ARHGEF11: variants seen among roughly 807,000 people sequenced by gnomAD.
ARHGEF11 encodes Rho guanine nucleotide exchange factor 11.
A neutral mutation model predicts 193.7 loss-of-function variants in ARHGEF11; 55 were observed. The observed-to-expected ratio is 0.28, with a 90% CI of 0.23 to 0.36. The LOEUF (loss-of-function observed/expected upper bound fraction) is 0.36. Among genes scored for constraint, ARHGEF11 ranks in the 10% least tolerant of loss-of-function variants. The pLI, the probability that ARHGEF11 is intolerant of heterozygous loss-of-function variation, is 1.00. For missense variants in ARHGEF11, 1,723 were observed against 2,005.6 expected, an observed-to-expected ratio of 0.86 and a Z score of 2.69; for synonymous variants, 693 against 768.0, an observed-to-expected ratio of 0.90 and a Z score of 1.62.
At chr1:156,939,474 A>T in intron 37 of ARHGEF11, 74 bp downstream of exon 37, 4 of 1,591,514 alleles carry the variant, frequency 2.5e-6, no homozygotes, top group Non-Finnish European at 3.4e-6. Context: ...TAGGGAAGGA[A>T]GCAGCTGTTC....
intron 1 of ARHGEF11, among the ~76,000 whole-genome samples, chr1:156,991,707 C>CTTTT (rs1208007433): frequency 3.7e-5 from 4 of 107,528 alleles, no homozygotes; most frequent in African/African-American, 1.1e-4. Context: ...TTTTTTCAAG[C>CTTTT]TTATTTTTTT....
At position 156,948,024 on chromosome 1, in the gene ARHGEF11, T is replaced by C; in HGVS notation, c.2154-68A>G. Reference sequence around the variant, plus strand: ...CTCACACAGAGGGTTTGGCCCTCCCTCTCCTGCCCGACCTGCTTGCCCCAT... The same window carrying C: ...CTCACACAGAGGGTTTGGCCCTCCCCCTCCTGCCCGACCTGCTTGCCCCAT... On this transcript the variant is annotated intron_variant, in intron 24 of 40. Coordinates refer to ENST00000368194, the MANE Select transcript of ARHGEF11 (RefSeq NM_198236.3). This position sits in a 1 kb window ranked among gnomAD's most constrained non-coding sequence, Gnocchi z 4.2. 1 of 1,574,448 alleles carries C rather than the reference T, an allele frequency of 6.4e-7. No individual in the cohort carries two copies. The highest frequency in any genetic ancestry group is 8.7e-7 in the Non-Finnish European group (1 of 1,155,312).
chr1:157,014,132 A>G (rs1668907255), intron 1 of ARHGEF11, among the ~76,000 whole-genome samples: 1 of 152,154 alleles, frequency 6.6e-6, no homozygotes, highest in Admixed American at 6.6e-5. Flanking sequence ...CCACAACGCT[A>G]AAACTTTACA....
intron 1 of ARHGEF11, among the ~76,000 whole-genome samples, chr1:157,032,434 A>G (rs1035858677): frequency 2.0e-5 from 3 of 152,228 alleles, no homozygotes; most frequent in African/African-American, 7.2e-5. Context: ...GGAAGTTGTA[A>G]CAATGCAGAT....
intron 33 of ARHGEF11, 104 bp downstream of exon 33, chr1:156,942,586 C>A: frequency 9.9e-7 from 1 of 1,014,566 alleles, no homozygotes; most frequent in Non-Finnish European, 1.5e-6. Flanking sequence ...TGTCCAGGGA[C>A]TGCTTTGGGG....
intron 29 of ARHGEF11, 188 bp from the exon 30 acceptor site, chr1:156,945,385 C>A: frequency 3.3e-6 from 2 of 608,488 alleles, no homozygotes; most frequent in Non-Finnish European, 2.9e-6. Flanking sequence ...TGAGCATCTT[C>A]AGGTCTCAGA....
chr1:156,945,283 G>A, intron 29 of ARHGEF11, 86 bp from the exon 30 acceptor site: 1 of 1,477,060 alleles, frequency 6.8e-7, no homozygotes, highest in Non-Finnish European at 9.2e-7. Flanking sequence ...ATTCATCCAT[G>A]GCAGCTGGCT....
At position 156,955,487 on chromosome 1, in the gene ARHGEF11, C is replaced by T. The variant is rs558599067; in HGVS notation, c.1768+216G>A. 5.9e-5 allele frequency among the ~76,000 whole-genome samples: 9 copies of T among 152,264 alleles called. No homozygotes were observed. The South Asian group carries it at 6.2e-4, about 11-fold the overall frequency. ...ACTGCTCTGGGTTCCTAGACTAAGACCCAGGGACCGGCACGGCTTCCCTGG... is the reference window on the plus strand; with the variant it reads ...ACTGCTCTGGGTTCCTAGACTAAGATCCAGGGACCGGCACGGCTTCCCTGG... On this transcript the variant is annotated intron_variant, in intron 20 of 40. Coordinates refer to ENST00000368194, the MANE Select transcript of ARHGEF11 (RefSeq NM_198236.3).
chr1:156,940,641 G>A (rs1410029655), intron 35 of ARHGEF11, among the ~76,000 whole-genome samples: 2 of 152,188 alleles, frequency 1.3e-5, no homozygotes, highest in East Asian at 3.8e-4. Flanking sequence ...ACATTCTAGG[G>A]GAGGGACATA....
chr1:156,969,959 G>C (rs1662282751), intron 9 of ARHGEF11, 39 bp downstream of exon 9: 3 of 1,607,964 alleles, frequency 1.9e-6, no homozygotes, highest in African/African-American at 2.7e-5. Flanking sequence ...ACCTGGACTA[G>C]AGATATGCCA....
At chr1:157,013,352 C>T (rs1340204436) in intron 1 of ARHGEF11, among the ~76,000 whole-genome samples, 1 of 149,416 alleles carries the variant, frequency 6.7e-6, no homozygotes, top group African/African-American at 2.5e-5. Flanking sequence ...TTAGGTTTTC[C>T]CTGTGCTGCT....
At chr1:156,976,873 A>T in intron 7 of ARHGEF11, 110 bp downstream of exon 7, 3 of 974,894 alleles carry the variant, frequency 3.1e-6, no homozygotes, top group Non-Finnish European at 4.8e-6. Context: ...TTGAGGTTTT[A>T]CTGTGATAGG....
At chr1:157,044,049 A>C (rs986125398) in intron 1 of ARHGEF11, among the ~76,000 whole-genome samples, 4 of 152,176 alleles carry the variant, frequency 2.6e-5, no homozygotes, top group African/African-American at 9.7e-5. Context: ...AGCCACTGGA[A>C]GCACATCCTC....
chr1:156,942,795 G>A lies in ARHGEF11; in HGVS notation c.3236-15C>T. On this transcript the variant is annotated splice_polypyrimidine_tract_variant and intron_variant, in intron 32 of 40. Coordinates refer to ENST00000368194, the MANE Select transcript of ARHGEF11 (RefSeq NM_198236.3). ...GGCCCGTTTATCTGTGTGAGGAAAG[G>A]AAGGTAGAAGGGTCTGTACTAGGGA... 1 of 1,611,026 alleles carries A rather than the reference G, an allele frequency of 6.2e-7. No homozygotes were observed. Among genetic ancestry groups the A allele is most frequent in the South Asian group, 1.1e-5 (1 of 91,018 alleles).
intron 25 of ARHGEF11, 74 bp from the exon 26 acceptor site, chr1:156,947,524 C>A: frequency 6.8e-7 from 1 of 1,468,204 alleles, no homozygotes; most frequent in South Asian, 1.4e-5. Flanking sequence ...GAGTCCCTGA[C>A]CTGGTTCCCA....
chr1:157,001,323 T>A (rs540709611), intron 1 of ARHGEF11, among the ~76,000 whole-genome samples: 2 of 152,156 alleles, frequency 1.3e-5, no homozygotes, highest in Admixed American at 6.5e-5. Flanking sequence ...ATACTTGATA[T>A]ACATAGTTGG....
At chr1:157,023,856 A>G (rs1236311473) in intron 1 of ARHGEF11, among the ~76,000 whole-genome samples, 6 of 152,174 alleles carry the variant, frequency 3.9e-5, no homozygotes, top group African/African-American at 1.4e-4. Context: ...GTAAAATGGT[A>G]CAACCACTTT....
In ARHGEF11 at chr1:156,984,336, C is replaced by T; in HGVS notation, c.223+3G>A. ...CCGTGGGCAGGAGGGATGCAGCACT[C>T]ACCAGGCCGCACAGACTGCACCAGA... On this transcript the variant is annotated splice_donor_region_variant and intron_variant, in intron 3 of 40. Coordinates refer to ENST00000368194, the MANE Select transcript of ARHGEF11 (RefSeq NM_198236.3). 1 of 1,580,048 alleles carries T rather than the reference C, an allele frequency of 6.3e-7. No homozygotes were observed. The highest frequency in any genetic ancestry group is 8.6e-7 in the Non-Finnish European group (1 of 1,162,244).
intron 32 of ARHGEF11, 97 bp downstream of exon 32, chr1:156,943,838 A>G: frequency 3.6e-6 from 5 of 1,388,562 alleles, no homozygotes; most frequent in Non-Finnish European, 4.9e-6. Context: ...GTGGACAGGT[A>G]GGTCCTGTAA....
Sources: gnomAD v4.1 joint callset for allele counts (sites outside exome capture counted in the v4.1 genomes callset) on GRCh38, gnomAD v4.1.1 for gene constraint, Gnocchi (gnomAD v3.1) non-coding constraint, MANE v1.5 for transcripts, NCBI Gene and HGNC (gene_info 2026-07-23, HGNC 2026-07-21) for gene names.